The following PLS1 variants were observed in gnomAD, a reference collection of about 807,000 sequenced individuals.
The protein encoded by PLS1 is plastin-1.
A neutral mutation model predicts 73.7 loss-of-function variants in PLS1; 32 were observed. The observed-to-expected ratio is 0.43, with a 90% CI of 0.33 to 0.58. PLS1 has a LOEUF of 0.58. Among genes scored for constraint, PLS1 ranks in the 20% least tolerant of loss-of-function variants. The pLI is 0.04. For missense variants in PLS1, 633 were observed against 740.5 expected, an observed-to-expected ratio of 0.85 and a Z score of 1.68; for synonymous variants, 217 against 261.3, an observed-to-expected ratio of 0.83 and a Z score of 1.63.
At chr3:142,679,929 T>G (rs1471777253) in intron 6 of PLS1, among the ~76,000 whole-genome samples, 3 of 152,098 alleles carry the variant, frequency 2.0e-5, no homozygotes, top group Non-Finnish European at 4.4e-5. Flanking sequence ...TTCCATTTGT[T>G]TGTATCCTCT....
At chr3:142,707,808 C>A (rs530566870) in intron 14 of PLS1, among the ~76,000 whole-genome samples, 6 of 152,088 alleles carry the variant, frequency 3.9e-5, no homozygotes, top group Non-Finnish European at 8.8e-5. Context: ...GTCAGCAATA[C>A]TATATAAATC....
chr3:142,698,034 T>C lies in PLS1; in HGVS notation c.1338T>C (p.Pro446=), dbSNP rs372328153. 5.2e-5 allele frequency: 83 copies of C among 1,608,780 alleles called. No homozygotes were observed. The highest frequency in any genetic ancestry group is 7.1e-5 in the Non-Finnish European group (83 of 1,175,240). ...TCAACTGGAGCCATGTCAACAAACC[T>C]CCTTATCCTGCCCTTGGAGGGAACA... ...VPVNWSHVNK[P]PYPALGGNMK... The change falls in exon 12 of 16, where the codon CCT becomes CCC. Residue 446 remains proline (P), a synonymous_variant. Transcript: ENST00000457734.
At chr3:142,613,850 C>G (rs2036166159) in intron 1 of PLS1, among the ~76,000 whole-genome samples, 1 of 152,224 alleles carries the variant, frequency 6.6e-6, no homozygotes, top group Non-Finnish European at 1.5e-5. Flanking sequence ...TGTAGTAGAG[C>G]TTATTGCTAA....
chr3:142,688,414 C>T (rs762917051), intron 9 of PLS1, among the ~76,000 whole-genome samples: 4 of 152,114 alleles, frequency 2.6e-5, no homozygotes, highest in Non-Finnish European at 4.4e-5. Context: ...TCTGTGCATA[C>T]CCATTTTTAA....
chr3:142,675,360 GTTTTTTGTTTGT>G (rs1327662770), intron 4 of PLS1, among the ~76,000 whole-genome samples: 5 of 150,998 alleles, frequency 3.3e-5, no homozygotes, highest in East Asian at 3.9e-4. Flanking sequence ...TAATAGATCA[GTTTTTTGTTTGT>G]TTTTTTGTTT....
At chr3:142,598,639 G>A (rs2035854795) in intron 1 of PLS1, among the ~76,000 whole-genome samples, 1 of 152,164 alleles carries the variant, frequency 6.6e-6, no homozygotes, top group Admixed American at 6.5e-5. Flanking sequence ...GGAAAGACAT[G>A]TTGAAAATGA....
At chr3:142,701,444 T>G (rs1268118006) in intron 12 of PLS1, among the ~76,000 whole-genome samples, 1 of 152,194 alleles carries the variant, frequency 6.6e-6, no homozygotes, top group East Asian at 1.9e-4. Flanking sequence ...TCAAAAAGTT[T>G]TAGAGTTTGG....
intron 1 of PLS1, among the ~76,000 whole-genome samples, chr3:142,654,356 A>AT (rs1031831308): frequency 6.6e-6 from 1 of 152,056 alleles, no homozygotes; most frequent in Non-Finnish European, 1.5e-5. Context: ...AAATACTATT[A>AT]TTTTTTTGAG....
At chr3:142,675,755 AACCTCC>A (rs1467737586) in intron 4 of PLS1, among the ~76,000 whole-genome samples, 2 of 151,566 alleles carry the variant, frequency 1.3e-5, no homozygotes, top group Admixed American at 1.3e-4. Flanking sequence ...CACTCACTGC[AACCTCC>A]ACCCCCCGGT....
chr3:142,683,341 A>G (rs2037894599), intron 6 of PLS1, among the ~76,000 whole-genome samples: 1 of 152,172 alleles, frequency 6.6e-6, no homozygotes, highest in South Asian at 2.1e-4. Flanking sequence ...CATCTCTACT[A>G]AAAACACGAA....
intron 1 of PLS1, among the ~76,000 whole-genome samples, chr3:142,627,637 T>C (rs548780366): frequency 5.3e-5 from 8 of 152,324 alleles, no homozygotes; most frequent in African/African-American, 1.7e-4. Flanking sequence ...GTTTATTGTT[T>C]GTTTTGCTTT....
chr3:142,695,628 A>C (rs1322809598), intron 11 of PLS1, among the ~76,000 whole-genome samples: 1 of 152,222 alleles, frequency 6.6e-6, no homozygotes, highest in Non-Finnish European at 1.5e-5. Flanking sequence ...TAACAGGTCT[A>C]GTATGATCCC....
chr3:142,614,386 A>G (rs571169977), intron 1 of PLS1, among the ~76,000 whole-genome samples: 1 of 152,316 alleles, frequency 6.6e-6, no homozygotes, highest in Admixed American at 6.5e-5. Context: ...AGGCAGTGAA[A>G]GAATGAGGAT....
At chr3:142,692,388 T>C (rs542116536) in intron 10 of PLS1, among the ~76,000 whole-genome samples, 2 of 152,276 alleles carry the variant, frequency 1.3e-5, no homozygotes, top group East Asian at 3.9e-4. Context: ...AGGTTTTACT[T>C]CTAAGATTGC....
chr3:142,620,458 GAT>G (rs550355260), intron 1 of PLS1, among the ~76,000 whole-genome samples: 427 of 152,216 alleles, frequency 2.8e-3, no homozygotes, highest in Non-Finnish European at 4.7e-3. Flanking sequence ...GATGCAGAAA[GAT>G]ATTCTCACAG....
At chr3:142,685,385 A>G (rs1169096039) in intron 8 of PLS1, among the ~76,000 whole-genome samples, 1 of 152,254 alleles carries the variant, frequency 6.6e-6, no homozygotes, top group East Asian at 1.9e-4. Flanking sequence ...ATAGCAAATT[A>G]TGCAAAATTT....
At chr3:142,641,175 T>TTATA (rs1553783958) in intron 1 of PLS1, among the ~76,000 whole-genome samples, 1 of 143,344 alleles carries the variant, frequency 7.0e-6, no homozygotes, top group African/African-American at 2.6e-5. Flanking sequence ...TATATATATA[T>TTATA]TATATATATA....
chr3:142,703,236 T>A (rs916919179), intron 12 of PLS1, among the ~76,000 whole-genome samples: 20 of 152,014 alleles, frequency 1.3e-4, no homozygotes, highest in African/African-American at 4.8e-4. Context: ...GACACCTAGG[T>A]TTTTAGGCAC....
At chr3:142,708,686 G>C (rs532573367) in intron 14 of PLS1, among the ~76,000 whole-genome samples, 25 of 152,214 alleles carry the variant, frequency 1.6e-4, no homozygotes, top group Non-Finnish European at 2.8e-4. Context: ...TCTTTTTGCC[G>C]AAGTCATTTC....
Sources: allele counts gnomAD v4.1 joint callset (sites outside exome capture counted in the v4.1 genomes callset), GRCh38; gene constraint gnomAD v4.1.1; transcripts MANE v1.5; gene names NCBI Gene and HGNC (gene_info 2026-07-23, HGNC 2026-07-21).